The following AUTS2 variants were observed in gnomAD, a reference collection of about 807,000 sequenced individuals.
The protein encoded by AUTS2 is activator of transcription and developmental regulator AUTS2.
Under a neutral mutation model 112.4 loss-of-function variants are expected in AUTS2, and 17 were observed. The ratio of observed to expected loss-of-function variants is 0.15; its 90% confidence interval spans 0.10 to 0.23. AUTS2 has a LOEUF of 0.23. AUTS2 is among the 10% of genes least tolerant of loss of function. AUTS2 has a pLI of 1.00. For missense variants in AUTS2, 1,510 were observed against 1,701.6 expected, an observed-to-expected ratio of 0.89 and a Z score of 1.98; for synonymous variants, 751 against 702.7, an observed-to-expected ratio of 1.07 and a Z score of -1.09.
At chr7:70,012,311 T>A (rs776696517) in intron 2 of AUTS2, among the ~76,000 whole-genome samples, 23 of 152,172 alleles carry the variant, frequency 1.5e-4, no homozygotes, top group Non-Finnish European at 3.1e-4. Flanking sequence ...GTAATTTTTG[T>A]CTGCCTTTGT....
intron 5 of AUTS2, among the ~76,000 whole-genome samples, chr7:70,671,660 C>A (rs957582503): frequency 7.2e-5 from 11 of 152,142 alleles, no homozygotes; most frequent in African/African-American, 2.7e-4. Context: ...AAGTAATAAC[C>A]CCCCCTATGA....
intron 1 of AUTS2, among the ~76,000 whole-genome samples, chr7:69,823,760 T>C (rs1185473336): frequency 3.3e-5 from 5 of 152,004 alleles, no homozygotes; most frequent in Admixed American, 6.6e-5. Flanking sequence ...AAAATCATGA[T>C]TGCTAGGTGG....
rs116013223 is a variant in AUTS2 at position 69,945,824 on chromosome 7, T to C, written c.522+46326T>C. ...GCCCTTGGCAACCACCATTCTACTC[T>C]CTGTTTTTATGAGTTGGATTTTTTT... On this transcript the variant is annotated intron_variant, in intron 2 of 18. Coordinates refer to ENST00000342771, the MANE Select transcript of AUTS2 (RefSeq NM_015570.4). Among the ~76,000 whole-genome samples, 936 of 152,190 alleles carry C rather than the reference T, an allele frequency of 6.2e-3. 9 individuals carry two copies. The highest frequency in any genetic ancestry group is 0.016 in the East Asian group (85 of 5,172).
At chr7:69,774,083 C>G (rs1408659813) in intron 1 of AUTS2, among the ~76,000 whole-genome samples, 1 of 152,204 alleles carries the variant, frequency 6.6e-6, no homozygotes, top group Non-Finnish European at 1.5e-5. Context: ...CCCACCACCC[C>G]ATGCTACATG....
At chr7:70,313,174 C>G (rs1789838579) in intron 4 of AUTS2, among the ~76,000 whole-genome samples, 1 of 152,174 alleles carries the variant, frequency 6.6e-6, no homozygotes, top group African/African-American at 2.4e-5. Context: ...TTAAGGACGA[C>G]CCCCAATTCT....
intron 4 of AUTS2, among the ~76,000 whole-genome samples, chr7:70,401,026 G>A (rs1294525164): frequency 6.6e-6 from 1 of 152,186 alleles, no homozygotes; most frequent in Non-Finnish European, 1.5e-5. Context: ...ATGAGGTTAG[G>A]GGCTGTGGGA....
At chr7:70,500,959 G>A (rs980173060) in intron 5 of AUTS2, among the ~76,000 whole-genome samples, 1 of 152,026 alleles carries the variant, frequency 6.6e-6, no homozygotes, top group African/African-American at 2.4e-5. Context: ...CTGACCTCAG[G>A]TGATCCGCCC....
At chr7:70,103,922 T>A (rs963363601) in intron 2 of AUTS2, among the ~76,000 whole-genome samples, 12 of 150,046 alleles carry the variant, frequency 8.0e-5, no homozygotes, top group African/African-American at 2.9e-4. Context: ...AAAAAAAAAA[T>A]AAATGAAAAT....
chr7:69,998,819 G>A (rs1374844935), intron 2 of AUTS2, among the ~76,000 whole-genome samples: 2 of 152,252 alleles, frequency 1.3e-5, no homozygotes, highest in South Asian at 2.1e-4. Flanking sequence ...CATATTTGGG[G>A]AATGGTAAAA....
intron 10 of AUTS2, 25 bp from the exon 11 acceptor site, chr7:70,771,524 T>C (rs1563187280): frequency 6.3e-7 from 1 of 1,577,514 alleles, no homozygotes; most frequent in Non-Finnish European, 8.7e-7. Flanking sequence ...AAATCTTTTT[T>C]CCCCCTCTCC....
rs1412220719 is a variant in AUTS2 at position 70,789,811 on chromosome 7, C to T, written c.2595C>T (p.Ala865=). Residue 865 remains alanine (A), a synonymous_variant, in exon 19 of 19, where the codon GCC becomes GCT. Transcript: ENST00000342771. ...CAGCACCTGTCCTCCCGGTGAATGC[C>T]CTGGGACATACCCGCAGCTCCACTG... The part of the protein sequence containing the change: ...PSPAPVLPVN[A]LGHTRSSTEQ... The T allele has an allele frequency of 6.2e-7, 1 of 1,614,154 alleles. No homozygotes were observed. Among genetic ancestry groups the T allele is most frequent in the African/African-American group, 1.3e-5 (1 of 75,036 alleles).
intron 2 of AUTS2, among the ~76,000 whole-genome samples, chr7:70,111,341 A>T (rs890445192): frequency 6.6e-6 from 1 of 152,206 alleles, no homozygotes; most frequent in African/African-American, 2.4e-5. Context: ...TATTAACAGG[A>T]TGCTGACTTT....
At chr7:70,454,733 C>A (rs549276676) in intron 5 of AUTS2, among the ~76,000 whole-genome samples, 1 of 152,258 alleles carries the variant, frequency 6.6e-6, no homozygotes, top group East Asian at 1.9e-4. Context: ...TCTCTGGAAT[C>A]CACTGAGGAG....
chr7:70,398,934 T>C (rs532336706), intron 4 of AUTS2, among the ~76,000 whole-genome samples: 2 of 152,048 alleles, frequency 1.3e-5, no homozygotes, highest in Admixed American at 1.3e-4. Context: ...TTGTGTGTGT[T>C]TTTTGATGCT....
chr7:70,299,160 G>C (rs1789083570), intron 4 of AUTS2, among the ~76,000 whole-genome samples: 1 of 152,122 alleles, frequency 6.6e-6, no homozygotes, highest in South Asian at 2.1e-4. Context: ...TTTGGGCTTG[G>C]AGCTACACAG....
rs1475279630 is a variant in AUTS2 at position 70,790,815 on chromosome 7, C to T, written c.3599C>T (p.Thr1200Ile). ...ATGCACTATCCCCGCATCAGCCCCA[C>T]CGCGGGCAACCAGAACGGACTCCTC... ...PSMHYPRISP[T>I]AGNQNGLLNK... Residue 1200 changes from threonine to isoleucine, a missense_variant, in exon 19 of 19, where the codon ACC becomes ATC. Thr to Ile is a moderately conservative substitution (Grantham distance 89, BLOSUM62 -1). Coordinates refer to ENST00000342771, the MANE Select transcript of AUTS2 (RefSeq NM_015570.4). The surrounding 1 kb of genome is among the most constrained non-coding windows in gnomAD (Gnocchi z 7.6). 7.5e-6 allele frequency: 12 copies of T among 1,606,534 alleles called. No homozygotes were observed. Among genetic ancestry groups the T allele is most frequent in the Non-Finnish European group, 1.0e-5 (12 of 1,175,320 alleles).
intron 5 of AUTS2, among the ~76,000 whole-genome samples, chr7:70,644,096 C>T (rs1806012484): frequency 6.6e-6 from 1 of 152,160 alleles, no homozygotes. Context: ...TTTTCCCATC[C>T]ATCAATTGGC....
At chr7:70,163,866 C>G (rs571421131) in intron 4 of AUTS2, among the ~76,000 whole-genome samples, 1 of 152,192 alleles carries the variant, frequency 6.6e-6, no homozygotes, top group Admixed American at 6.5e-5. Flanking sequence ...TACTTGAGTC[C>G]CAGATGTGCA....
chr7:70,455,529 G>A (rs531587125), intron 5 of AUTS2, among the ~76,000 whole-genome samples: 40 of 152,316 alleles, frequency 2.6e-4, no homozygotes, highest in South Asian at 1.5e-3. Flanking sequence ...CCCAGCAGCT[G>A]AGCGTGGAGA....
Sources: allele counts gnomAD v4.1 joint callset (sites outside exome capture counted in the v4.1 genomes callset), GRCh38; gene constraint gnomAD v4.1.1; non-coding constraint Gnocchi (gnomAD v3.1); transcripts MANE v1.5; gene names NCBI Gene and HGNC (gene_info 2026-07-23, HGNC 2026-07-21).